Variants in KCNC1 observed in about 807,000 individuals in gnomAD.
KCNC1 encodes voltage-gated potassium channel KCNC1.
In KCNC1, 8 loss-of-function variants were observed where a neutral mutation model predicts 43.4. The observed-to-expected ratio is 0.18, with a 90% CI of 0.11 to 0.33. The LOEUF (loss-of-function observed/expected upper bound fraction) is 0.33. Ranked by LOEUF, KCNC1 falls within the 10% of genes least tolerant of loss-of-function variation. The pLI, the probability that KCNC1 is intolerant of heterozygous loss-of-function variation, is 1.00. For synonymous variants in KCNC1, 361 were observed against 360.5 expected, an observed-to-expected ratio of 1.00 and a Z score of -0.01; for missense variants, 420 against 836.0, an observed-to-expected ratio of 0.50 and a Z score of 6.14.
intron 1 of KCNC1, among the ~76,000 whole-genome samples, chr11:17,748,049 G>T (rs527289180): frequency 8.5e-4 from 130 of 152,342 alleles, no homozygotes; most frequent in African/African-American, 2.9e-3. Flanking sequence ...GACAGGTGCT[G>T]CTCAAGAAGC....
rs1400984117 is a variant in KCNC1 at position 17,779,926 on chromosome 11, G to A, written c.1693+282G>A. On this transcript the variant is annotated intron_variant, in intron 3 of 3. Coordinates refer to ENST00000265969, the MANE Select transcript of KCNC1 (RefSeq NM_001112741.2). The surrounding 1 kb of genome is among the most constrained non-coding windows in gnomAD (Gnocchi z 7.2). The stretch of plus-strand genomic sequence containing the variant: ...GACTTTAGGCCATGACCCCAAGGCA[G>A]GGGTACCCAGGAATGCAGGAGGAGC... 13 of 282,514 alleles carry A rather than the reference G, an allele frequency of 4.6e-5. No homozygotes were observed. The highest frequency in any genetic ancestry group is 1.1e-4 in the South Asian group (1 of 8,722). 17.5% of individuals were successfully genotyped at this position (282,514 alleles called of 1,614,324 possible).
At chr11:17,766,079 C>T (rs1849147555) in intron 1 of KCNC1, among the ~76,000 whole-genome samples, 1 of 152,196 alleles carries the variant, frequency 6.6e-6, no homozygotes, top group East Asian at 1.9e-4. Flanking sequence ...GAGAAGTCTG[C>T]AGGGAGCTGC....
At chr11:17,775,263 C>T (rs950183052) in intron 2 of KCNC1, 66 of 985,568 alleles carry the variant, frequency 6.7e-5, no homozygotes, top group Middle Eastern at 1.0e-3. Context: ...GTGTGTGGCA[C>T]GCTGGGTTCT....
intron 2 of KCNC1, chr11:17,772,867 C>T (rs938455065): frequency 3.7e-5 from 48 of 1,294,338 alleles, no homozygotes; most frequent in East Asian, 6.1e-5. Context: ...CAACGCGGCC[C>T]GCCAGGTTGC....
intron 1 of KCNC1, among the ~76,000 whole-genome samples, chr11:17,740,636 T>C (rs901542577): frequency 2.0e-5 from 3 of 151,832 alleles, no homozygotes; most frequent in Admixed American, 6.6e-5. Context: ...CAGGCCAGAG[T>C]GTCCTGTGTG....
At chr11:17,748,166 G>A (rs1442513425) in intron 1 of KCNC1, among the ~76,000 whole-genome samples, 4 of 152,078 alleles carry the variant, frequency 2.6e-5, no homozygotes, top group Non-Finnish European at 5.9e-5. Context: ...GCACTGGAGT[G>A]GGCAGTTTTA....
At chr11:17,752,247 G>A (rs1479550146) in intron 1 of KCNC1, among the ~76,000 whole-genome samples, 1 of 152,166 alleles carries the variant, frequency 6.6e-6, no homozygotes, top group Non-Finnish European at 1.5e-5. Context: ...ACAAGGCACA[G>A]CACTGTGAGC....
At chr11:17,765,186 G>A (rs1208432611) in intron 1 of KCNC1, among the ~76,000 whole-genome samples, 2 of 152,222 alleles carry the variant, frequency 1.3e-5, no homozygotes, top group African/African-American at 4.8e-5. Context: ...CACACAGCAA[G>A]TGAGCAGCCA....
chr11:17,775,712 C>T (rs1849277789), intron 2 of KCNC1: 1 of 985,824 alleles, frequency 1.0e-6, no homozygotes. Flanking sequence ...TGGGTCAGTC[C>T]TTTGTGGTGC....
intron 1 of KCNC1, among the ~76,000 whole-genome samples, chr11:17,745,200 G>A (rs184601959): frequency 6.6e-4 from 101 of 152,248 alleles, no homozygotes; most frequent in African/African-American, 2.2e-3. Context: ...CTGGATGGGC[G>A]TGTGTGGGTT....
chr11:17,757,240 G>C (rs78613778), intron 1 of KCNC1, among the ~76,000 whole-genome samples: 1,776 of 152,304 alleles, frequency 0.012, 39 homozygotes, highest in African/African-American at 0.04. Flanking sequence ...ATGAACAAAA[G>C]CAGACTCTGA....
chr11:17,767,486 G>C (rs1451503112), intron 1 of KCNC1, among the ~76,000 whole-genome samples: 1 of 152,150 alleles, frequency 6.6e-6, no homozygotes. Context: ...AGGTCCTCAA[G>C]TTTTGGGAGC....
intron 2 of KCNC1, chr11:17,775,101 G>A: frequency 3.0e-6 from 3 of 985,644 alleles, no homozygotes; most frequent in Non-Finnish European, 3.6e-6. Context: ...CAGGGGCAAG[G>A]AAGGTAAATG....
chr11:17,760,861 C>T (rs1420016027), intron 1 of KCNC1, among the ~76,000 whole-genome samples: 3 of 152,228 alleles, frequency 2.0e-5, no homozygotes, highest in Non-Finnish European at 4.4e-5. Flanking sequence ...ACTGGGCTGG[C>T]ACGAGGTTTA....
At position 17,774,838 on chromosome 11, in the gene KCNC1, G is replaced by A. The variant is rs1027508393; in HGVS notation, c.1504+2240G>A. The A allele has an allele frequency of 6.1e-6, 6 of 985,420 alleles. No homozygotes were observed. In the South Asian group the frequency reaches 1.4e-4, roughly 23 times the overall value. 61.0% of individuals were successfully genotyped at this position (985,420 alleles called of 1,614,324 possible). ...AGCCCTTCCCAAGCACTCACTTCCC[G>A]GTGGTGTTGGTGCTGTCCTGATATC... On this transcript the variant is annotated intron_variant, in intron 2 of 3. Transcript: ENST00000265969.
In KCNC1 at chr11:17,779,478, G is replaced by C; in HGVS notation, c.1527G>C (p.Val509=). 1 of 1,549,372 alleles carries C rather than the reference G, an allele frequency of 6.5e-7. No individual in the cohort carries two copies. Residue 509 remains valine, a synonymous_variant, in exon 3 of 4, where the codon GTG becomes GTC. Coordinates refer to ENST00000265969, the MANE Select transcript of KCNC1 (RefSeq NM_001112741.2). This position sits in a 1 kb window ranked among gnomAD's most constrained non-coding sequence, Gnocchi z 7.2. ...NRADSKLNGE[V]AKAALANEDC... ...AAGATTCCAAACTGAATGGGGAGGT[G>C]GCGAAGGCCGCGCTGGCGAACGAAG...
chr11:17,764,759 C>G (rs921678781), intron 1 of KCNC1, among the ~76,000 whole-genome samples: 1 of 152,216 alleles, frequency 6.6e-6, no homozygotes, highest in Non-Finnish European at 1.5e-5. Flanking sequence ...GACTGGACCC[C>G]TAACCATCCC....
At chr11:17,761,951 C>T (rs1849082869) in intron 1 of KCNC1, among the ~76,000 whole-genome samples, 1 of 152,196 alleles carries the variant, frequency 6.6e-6, no homozygotes, top group African/African-American at 2.4e-5. Context: ...CCCCACCAAC[C>T]ACCTCCAGGG....
chr11:17,771,718 C>T lies in KCNC1; in HGVS notation c.624C>T (p.Cys208=). Residue 208 remains cysteine, a synonymous_variant, in exon 2 of 4, where the codon TGC becomes TGT. Coordinates refer to ENST00000265969, the MANE Select transcript of KCNC1 (RefSeq NM_001112741.2). The surrounding 1 kb of genome is among the most constrained non-coding windows in gnomAD (Gnocchi z 4.7). ...TCCTGGTCTCCATCACCACCTTCTG[C>T]CTGGAGACCCACGAGCGCTTCAACC... ...FFILVSITTF[C]LETHERFNPI... The T allele has an allele frequency of 1.2e-6, 2 of 1,613,342 alleles. No individual in the cohort carries two copies. The highest frequency in any genetic ancestry group is 1.7e-6 in the Non-Finnish European group (2 of 1,179,252).
Sources: gnomAD v4.1 joint callset for allele counts (sites outside exome capture counted in the v4.1 genomes callset) on GRCh38, gnomAD v4.1.1 for gene constraint, Gnocchi (gnomAD v3.1) non-coding constraint, MANE v1.5 for transcripts, NCBI Gene and HGNC (gene_info 2026-07-23, HGNC 2026-07-21) for gene names.